Variants in FLI1 observed in about 807,000 individuals in gnomAD.
FLI1 encodes the protein Fli-1 proto-oncogene, ETS transcription factor, also known as Friend leukemia integration 1 transcription factor.
Under a neutral mutation model 53.1 loss-of-function variants are expected in FLI1, and 13 were observed. The ratio of observed to expected loss-of-function variants is 0.24; its 90% CI spans 0.16 to 0.39. The LOEUF is 0.39. Among genes scored for constraint, FLI1 ranks in the 10% least tolerant of loss-of-function variants. The pLI, the probability that FLI1 is intolerant of heterozygous loss-of-function variation, is 1.00. For missense variants in FLI1, 424 were observed against 600.5 expected, an observed-to-expected ratio of 0.71 and a Z score of 3.07; for synonymous variants, 244 against 236.7, an observed-to-expected ratio of 1.03 and a Z score of -0.28.
At chr11:128,790,313 A>G (rs524839) in intron 5 of FLI1, among the ~76,000 whole-genome samples, 38,912 of 149,230 alleles carry the variant, frequency 0.26, 5,808 homozygotes, top group Non-Finnish European at 0.36. Context: ...GAGAGAGAGA[A>G]AGAACGAGGG....
In FLI1 at chr11:128,809,224, C is replaced by T. The variant is rs750805681; in HGVS notation, c.829+20C>T. The T allele has an allele frequency of 2.5e-6, 4 of 1,611,410 alleles. No homozygotes were observed. Among genetic ancestry groups the T allele is most frequent in the Non-Finnish European group, 3.4e-6 (4 of 1,177,618 alleles). On this transcript the variant is annotated intron_variant, in intron 8 of 8. Transcript: ENST00000527786. ...ACCCTGGTGAGTTTACCTTGGCCTG[C>T]AAGCCTTTTTTGCCAGAATGTTTCG...
At chr11:128,696,000 C>T (rs1465103787) in intron 1 of FLI1, 1 of 152,226 alleles carries the variant, frequency 6.6e-6, no homozygotes, top group African/African-American at 2.4e-5. Flanking sequence ...AGAAATATCT[C>T]CACACTGCTT....
At chr11:128,719,291 A>AC (rs943828094) in intron 1 of FLI1, among the ~76,000 whole-genome samples, 8 of 150,902 alleles carry the variant, frequency 5.3e-5, no homozygotes, top group Non-Finnish European at 8.9e-5. Flanking sequence ...AAAAAAAAAA[A>AC]ACAGTTCGTA....
At chr11:128,714,710 C>CT (rs11381734) in intron 1 of FLI1, among the ~76,000 whole-genome samples, 102,616 of 121,656 alleles carry the variant, frequency 0.84, 43,563 homozygotes, top group East Asian at 0.94. Flanking sequence ...CTTGAAGGAC[C>CT]TTTTTTTTTT....
chr11:128,767,372 T>A (rs777253350), intron 2 of FLI1, among the ~76,000 whole-genome samples: 1 of 152,224 alleles, frequency 6.6e-6, no homozygotes. Flanking sequence ...TTTGCATGTG[T>A]GCTTGATAGT....
At chr11:128,774,692 C>CCCT (rs1941680737) in intron 4 of FLI1, among the ~76,000 whole-genome samples, 2 of 152,220 alleles carry the variant, frequency 1.3e-5, no homozygotes, top group African/African-American at 4.8e-5. Context: ...TGCTTCGAGA[C>CCCT]TCTTCGGCGG....
intron 2 of FLI1, among the ~76,000 whole-genome samples, chr11:128,766,070 T>A (rs555977897): frequency 6.6e-6 from 1 of 152,228 alleles, no homozygotes; most frequent in South Asian, 2.1e-4. Flanking sequence ...TGCACATGTG[T>A]TCTGTGTTGG....
At chr11:128,747,870 A>G (rs1940467709) in intron 1 of FLI1, among the ~76,000 whole-genome samples, 1 of 152,232 alleles carries the variant, frequency 6.6e-6, no homozygotes, top group Non-Finnish European at 1.5e-5. Context: ...TGAATGTTCT[A>G]TCTCCCATCC....
chr11:128,689,909 T>A (rs1185413540), upstream of FLI1, among the ~76,000 whole-genome samples: 1 of 147,158 alleles, frequency 6.8e-6, no homozygotes, highest in Non-Finnish European at 1.5e-5. Context: ...CTGAACCCGC[T>A]CAGCGCTAAG....
intron 7 of FLI1, among the ~76,000 whole-genome samples, chr11:128,808,219 A>G (rs1223433759): frequency 6.6e-6 from 1 of 152,248 alleles, no homozygotes; most frequent in Non-Finnish European, 1.5e-5. Context: ...GATGGTCTCA[A>G]TGGGCTTAAG....
chr11:128,741,750 C>G (rs556769955), intron 1 of FLI1, among the ~76,000 whole-genome samples: 1 of 152,198 alleles, frequency 6.6e-6, no homozygotes, highest in East Asian at 1.9e-4. Context: ...GCTCAGTTCA[C>G]GGCTTTCCTG....
At chr11:128,701,538 C>A (rs1039972987) in intron 1 of FLI1, among the ~76,000 whole-genome samples, 3 of 152,174 alleles carry the variant, frequency 2.0e-5, no homozygotes, top group Non-Finnish European at 4.4e-5. Flanking sequence ...TAATTCAGAT[C>A]AACTTTACAG....
intron 5 of FLI1, among the ~76,000 whole-genome samples, chr11:128,786,508 T>C (rs926816431): frequency 1.3e-5 from 2 of 152,202 alleles, no homozygotes; most frequent in African/African-American, 4.8e-5. Flanking sequence ...GGTAACGTGA[T>C]TTTATAGGAA....
intron 1 of FLI1, among the ~76,000 whole-genome samples, chr11:128,695,385 C>T (rs1938021010): frequency 6.6e-6 from 1 of 152,296 alleles, no homozygotes; most frequent in African/African-American, 2.4e-5. Context: ...CCGCGCAACA[C>T]CAAGCGGGAG....
chr11:128,712,933 G>T (rs1938848791), intron 1 of FLI1, among the ~76,000 whole-genome samples: 1 of 152,238 alleles, frequency 6.6e-6, no homozygotes, highest in Admixed American at 6.5e-5. Context: ...GAATCACTGT[G>T]AGGAATAAAT....
intron 1 of FLI1, among the ~76,000 whole-genome samples, chr11:128,741,412 A>G (rs1177847164): frequency 6.6e-6 from 1 of 152,222 alleles, no homozygotes; most frequent in Non-Finnish European, 1.5e-5. Flanking sequence ...AAATAAATAA[A>G]TAAAATAAGA....
At chr11:128,760,412 A>G (rs1398742790) in intron 2 of FLI1, among the ~76,000 whole-genome samples, 3 of 151,722 alleles carry the variant, frequency 2.0e-5, no homozygotes, top group Admixed American at 6.6e-5. Flanking sequence ...CATTCCTGCC[A>G]ACGCCCACCT....
chr11:128,768,969 G>C (rs1196346493), intron 3 of FLI1, among the ~76,000 whole-genome samples: 1 of 152,220 alleles, frequency 6.6e-6, no homozygotes, highest in East Asian at 1.9e-4. Flanking sequence ...CTTCCCTCCA[G>C]GCTCGTACTT....
intron 5 of FLI1, among the ~76,000 whole-genome samples, chr11:128,796,489 G>T (rs1363065434): frequency 2.6e-5 from 4 of 152,318 alleles, no homozygotes; most frequent in Middle Eastern, 3.4e-3. Flanking sequence ...TTGCATGTCT[G>T]GTTTAGATAA....
Sources: gnomAD v4.1 joint callset for allele counts (sites outside exome capture counted in the v4.1 genomes callset) on GRCh38, gnomAD v4.1.1 for gene constraint, MANE v1.5 for transcripts, NCBI Gene and HGNC (gene_info 2026-07-23, HGNC 2026-07-21) for gene names.